The following SSH2 variants were observed in gnomAD, a reference collection of about 807,000 sequenced individuals.
The protein encoded by SSH2 is slingshot protein phosphatase 2.
SSH2 carries 37 observed loss-of-function variants against 135.2 expected under a neutral mutation model. The ratio of observed to expected loss-of-function variants is 0.27; its 90% CI spans 0.21 to 0.36. The LOEUF is 0.36. Ranked by LOEUF, SSH2 falls within the 10% of genes least tolerant of loss-of-function variation. SSH2 has a pLI of 1.00. For synonymous variants in SSH2, 628 were observed against 646.2 expected, an observed-to-expected ratio of 0.97 and a Z score of 0.43; for missense variants, 1,408 against 1,765.3, an observed-to-expected ratio of 0.80 and a Z score of 3.63.
intron 2 of SSH2, among the ~76,000 whole-genome samples, chr17:29,845,631 G>C (rs972526842): frequency 6.6e-6 from 1 of 152,268 alleles, no homozygotes; most frequent in East Asian, 1.9e-4. Context: ...GACAGAGTCT[G>C]ACTCTGCTGT....
chr17:29,678,654 T>C (rs906873699), intron 6 of SSH2, among the ~76,000 whole-genome samples: 1 of 151,140 alleles, frequency 6.6e-6, no homozygotes, highest in African/African-American at 2.4e-5. Flanking sequence ...ACACAGTTAA[T>C]AGAAATGTCA....
At chr17:29,835,480 C>G (rs1021995028) in intron 2 of SSH2, among the ~76,000 whole-genome samples, 3 of 152,204 alleles carry the variant, frequency 2.0e-5, no homozygotes, top group African/African-American at 7.2e-5. Context: ...CCTTAAGGAT[C>G]TAACCATCAT....
chr17:29,695,463 C>T lies in SSH2; in HGVS notation c.353G>A (p.Arg118Lys). 1 of 1,610,696 alleles carries T rather than the reference C, an allele frequency of 6.2e-7. No homozygotes were observed. The highest frequency in any genetic ancestry group is 8.5e-7 in the Non-Finnish European group (1 of 1,178,680). Reference sequence around the variant, plus strand: ...ATGATGACACCACTAACTTACCAGCCTGATGTTGTCTTCTGGGCGGAGTAA... The same window carrying T: ...ATGATGACACCACTAACTTACCAGCTTGATGTTGTCTTCTGGGCGGAGTAA... The part of the protein sequence containing the change: ...FILLRPEDNI[R>K]LAVRLESTYQ... The change falls in exon 5 of 16, where the codon AGG (arginine) becomes AAG (lysine). Residue 118 changes from arginine to lysine, a missense_variant. Physicochemically the swap from Arg to Lys is conservative, Grantham distance 26. Transcript: ENST00000540801.
chr17:29,679,394 A>T lies in SSH2; in HGVS notation c.480-1653T>A, dbSNP rs531034236. Among the ~76,000 whole-genome samples the T allele has an allele frequency of 1.4e-4, 21 of 151,788 alleles. No individual in the cohort carries two copies. The South Asian group carries it at 3.8e-3, about 27-fold the overall frequency. On this transcript the variant is annotated intron_variant, in intron 6 of 15. Coordinates refer to ENST00000540801, the MANE Select transcript of SSH2 (RefSeq NM_001282129.2). The stretch of plus-strand genomic sequence containing the variant: ...TGCACTAACTGTATAATCTTTTTTT[A>T]AAATTTATTTTTATTTTTTTTTTTA...
At chr17:29,736,571 A>G (rs2040371474) in intron 3 of SSH2, among the ~76,000 whole-genome samples, 1 of 152,086 alleles carries the variant, frequency 6.6e-6, no homozygotes, top group Non-Finnish European at 1.5e-5. Context: ...GTGGATCACA[A>G]GGTCAGGAGA....
At chr17:29,925,356 G>C (rs963426536) in intron 1 of SSH2, 5 of 392,552 alleles carry the variant, frequency 1.3e-5, no homozygotes, top group Non-Finnish European at 1.8e-5. Flanking sequence ...CATTAGACAG[G>C]AGGAGTAAGT....
At chr17:29,843,371 C>T (rs1019071404) in intron 2 of SSH2, among the ~76,000 whole-genome samples, 7 of 152,026 alleles carry the variant, frequency 4.6e-5, no homozygotes, top group African/African-American at 1.4e-4. Context: ...CCCATCTCCA[C>T]TACAAATAAA....
At chr17:29,671,826 C>T in intron 9 of SSH2, 109 bp downstream of exon 9, 1 of 914,570 alleles carries the variant, frequency 1.1e-6, no homozygotes, top group Non-Finnish European at 1.7e-6. Flanking sequence ...ACTAATATTC[C>T]TAGGTAAGAT....
In SSH2 at chr17:29,626,931, A is replaced by G. The variant is rs754420634; in HGVS notation, c.*3910T>C. ...AAGCAAAACAAAATTAAACAAAATG[A>G]CACTAGCCATTCACCATTACAACCA... On this transcript the variant is annotated 3_prime_UTR_variant, in exon 16 of 16. Coordinates refer to ENST00000540801, the MANE Select transcript of SSH2 (RefSeq NM_001282129.2). The G allele has an allele frequency of 6.6e-5, 10 of 152,316 alleles. 1 individual carries two copies. Among genetic ancestry groups the G allele is most frequent in the Non-Finnish European group, 1.5e-4 (10 of 68,038 alleles). 9.4% of individuals were successfully genotyped at this position (152,316 alleles called of 1,614,324 possible).
chr17:29,776,418 G>A (rs1217314356), intron 3 of SSH2: 1 of 152,168 alleles, frequency 6.6e-6, no homozygotes, highest in East Asian at 1.9e-4. Flanking sequence ...GCCAAGCAAA[G>A]AAGGTTTCCA....
intron 3 of SSH2, among the ~76,000 whole-genome samples, chr17:29,764,333 T>C (rs2041395955): frequency 6.6e-6 from 1 of 152,250 alleles, no homozygotes; most frequent in Non-Finnish European, 1.5e-5. Context: ...TGTGCTACTG[T>C]ATGTTTTTAA....
intron 1 of SSH2, chr17:29,863,385 C>CGAAAAGTA (rs1179738427): frequency 6.6e-6 from 1 of 152,218 alleles, no homozygotes. Flanking sequence ...CTTAGCCTCC[C>CGAAAAGTA]TGAAGCCCAG....
In SSH2 at chr17:29,731,414, A is replaced by ATTTT. The variant is rs60274804; in HGVS notation, c.189-28356_189-28353dup. Among the ~76,000 whole-genome samples, 588 of 115,312 alleles carry ATTTT rather than the reference A, an allele frequency of 5.1e-3. 5 individuals are homozygous for ATTTT. The highest frequency in any genetic ancestry group is 0.018 in the African/African-American group (563 of 30,488). 75.6% of individuals were successfully genotyped at this position (115,312 alleles called of 152,430 possible). A position where few individuals can be genotyped will look rare whatever the true frequency, so the allele number is the denominator to read the frequency against. On this transcript the variant is annotated intron_variant, in intron 3 of 15. Coordinates refer to ENST00000540801, the MANE Select transcript of SSH2 (RefSeq NM_001282129.2). Reference sequence around the variant, plus strand: ...CAACTAGGTTTTTCATAGCAGAAGTATTTTTTATTTATTTATTTATTTATT... The same window carrying ATTTT: ...CAACTAGGTTTTTCATAGCAGAAGTATTTTTTTTTTATTTATTTATTTATTTATT...
At chr17:29,861,034 C>T (rs866685445) in intron 1 of SSH2, among the ~76,000 whole-genome samples, 2 of 152,082 alleles carry the variant, frequency 1.3e-5, no homozygotes, top group East Asian at 1.9e-4. Flanking sequence ...TGTGAGCCAC[C>T]GTGTCCAGCC....
chr17:29,902,169 A>G (rs2066570103), intron 1 of SSH2, among the ~76,000 whole-genome samples: 1 of 152,192 alleles, frequency 6.6e-6, no homozygotes. Context: ...TACTTTCTGA[A>G]AGATATGATA....
intron 3 of SSH2, among the ~76,000 whole-genome samples, chr17:29,730,507 C>T (rs1160983847): frequency 6.6e-6 from 1 of 151,210 alleles, no homozygotes; most frequent in South Asian, 2.1e-4. Flanking sequence ...ATGATCACCA[C>T]TCACTGTAGC....
intron 1 of SSH2, among the ~76,000 whole-genome samples, chr17:29,928,761 T>C (rs2151495772): frequency 6.6e-6 from 1 of 152,354 alleles, no homozygotes; most frequent in South Asian, 2.1e-4. Context: ...AATTTCAGGA[T>C]ATCAAAGCTC....
chr17:29,893,847 C>T (rs950384359), intron 1 of SSH2, among the ~76,000 whole-genome samples: 2 of 152,124 alleles, frequency 1.3e-5, no homozygotes, highest in African/African-American at 4.8e-5. Flanking sequence ...TCTTCCATCC[C>T]TTTTAAAGAA....
At chr17:29,907,665 T>C (rs866229470) in intron 1 of SSH2, among the ~76,000 whole-genome samples, 1 of 152,198 alleles carries the variant, frequency 6.6e-6, no homozygotes, top group Non-Finnish European at 1.5e-5. Flanking sequence ...ATCTTCCAAA[T>C]AAAGAAAGAA....
Sources: gnomAD v4.1 joint callset for allele counts (sites outside exome capture counted in the v4.1 genomes callset) on GRCh38, gnomAD v4.1.1 for gene constraint, MANE v1.5 for transcripts, NCBI Gene and HGNC (gene_info 2026-07-23, HGNC 2026-07-21) for gene names.